The following SPON1 variants were observed in gnomAD, a reference collection of about 807,000 sequenced individuals.
The protein encoded by SPON1 is spondin-1.
A neutral mutation model predicts 111.7 loss-of-function variants in SPON1; 52 were observed. The ratio of observed to expected loss-of-function variants is 0.47; its 90% CI spans 0.37 to 0.59. The LOEUF is 0.59. SPON1 is among the 20% of genes least tolerant of loss of function. The probability of loss-of-function intolerance (pLI) is 0.00; values close to 1 mark genes in which losing one functional copy is unlikely to be tolerated. For missense variants in SPON1, 957 were observed against 1,068.5 expected (o/e 0.90, Z 1.46); for synonymous variants, 410 against 395.8 (o/e 1.04, Z -0.43).
chr11:14,036,542 T>C (rs1554916661), intron 2 of SPON1, among the ~76,000 whole-genome samples: 2 of 152,178 alleles, frequency 1.3e-5, no homozygotes, highest in African/African-American at 4.8e-5. Context: ...TTGAGGTGTT[T>C]CTGATATATC....
intron 5 of SPON1, among the ~76,000 whole-genome samples, chr11:14,092,559 G>T (rs1247055480): frequency 6.6e-6 from 1 of 152,170 alleles, no homozygotes; most frequent in Admixed American, 6.5e-5. Context: ...TTACAAAATG[G>T]TTTGTTCCAA....
chr11:13,994,440 CCA>C (rs3993090), intron 2 of SPON1, among the ~76,000 whole-genome samples: 3 of 151,370 alleles, frequency 2.0e-5, no homozygotes, highest in East Asian at 1.9e-4. Context: ...TCCCCCATCC[CCA>C]CACACACACA....
At chr11:13,979,645 A>G (rs1591338622) in intron 1 of SPON1, among the ~76,000 whole-genome samples, 1 of 152,264 alleles carries the variant, frequency 6.6e-6, no homozygotes, top group East Asian at 1.9e-4. Context: ...TCCTCACCTG[A>G]TGCAAGGCAG....
intron 2 of SPON1, among the ~76,000 whole-genome samples, chr11:14,009,250 C>A (rs1848386851): frequency 6.6e-6 from 1 of 152,168 alleles, no homozygotes; most frequent in Non-Finnish European, 1.5e-5. Context: ...TCCTTAACAG[C>A]CCAAAAGGCC....
rs375518503 is a variant in SPON1 at position 14,222,069 on chromosome 11, TTTGGGA to T, written c.826-21262_826-21257del. ...GATATTTTATCATCCTATGAACTCA[TTTGGGA>T]ACTCAATGACAGGTGATACAATGGC... On this transcript the variant is annotated intron_variant, in intron 6 of 15. Transcript: ENST00000576479. Among the ~76,000 whole-genome samples, 801 of 152,356 alleles carry T rather than the reference TTTGGGA, an allele frequency of 5.3e-3. 5 individuals are homozygous for T. Among genetic ancestry groups the T allele is most frequent in the African/African-American group, 0.018 (758 of 41,584 alleles).
At chr11:14,049,281 A>T (rs1528640) in intron 3 of SPON1, among the ~76,000 whole-genome samples, 245 of 151,914 alleles carry the variant, frequency 1.6e-3, no homozygotes, top group African/African-American at 5.5e-3. Context: ...TTTTTTTATC[A>T]CTGCTCTACA....
At chr11:14,077,851 A>G (rs1248160396) in intron 4 of SPON1, among the ~76,000 whole-genome samples, 2 of 152,172 alleles carry the variant, frequency 1.3e-5, no homozygotes, top group African/African-American at 4.8e-5. Flanking sequence ...AAAAAGGAAA[A>G]AGGAAGGGAA....
chr11:14,263,598 C>CTAAT lies in SPON1; in HGVS notation c.2260+624_2260+627dup, dbSNP rs1421609956. ...AATATTGATCCAAGCTGACAAATAA[C>CTAAT]TAATAGAACAATGCACCAAGTGCTC... On this transcript the variant is annotated intron_variant, in intron 15 of 15. Transcript: ENST00000576479. Among the ~76,000 whole-genome samples, 8 of 152,106 alleles carry CTAAT rather than the reference C, an allele frequency of 5.3e-5. No homozygotes were observed. The East Asian group carries it at 1.3e-3, about 26-fold the overall frequency.
chr11:13,980,377 A>C (rs1192879123), intron 1 of SPON1, among the ~76,000 whole-genome samples: 1 of 152,072 alleles, frequency 6.6e-6, no homozygotes, highest in Non-Finnish European at 1.5e-5. Context: ...TTTTACAGAC[A>C]TCAGTAGCTC....
In SPON1 at chr11:14,205,353, C is replaced by A. The variant is rs1848506837; in HGVS notation, c.826-37979C>A. On this transcript the variant is annotated intron_variant, in intron 6 of 15. Transcript: ENST00000576479. ...TGTCCTCCTCCATCTTCCTCCAGGG[C>A]CTGGTATGCTGTGGGCACTCAATAA... is the stretch of plus-strand genomic sequence containing the variant. Among the ~76,000 whole-genome samples, 3 of 152,162 alleles carry A rather than the reference C, an allele frequency of 2.0e-5. No homozygotes were observed. In the South Asian group the frequency reaches 6.2e-4, roughly 32 times the overall value.
intron 2 of SPON1, among the ~76,000 whole-genome samples, chr11:14,035,611 G>GTTCTTTT (rs1848588444): frequency 7.4e-6 from 1 of 134,536 alleles, no homozygotes. Flanking sequence ...AGTACACTTA[G>GTTCTTTT]TTCTTTTTTT....
chr11:14,258,724 C>A (rs1042970567), intron 11 of SPON1, among the ~76,000 whole-genome samples: 2 of 152,210 alleles, frequency 1.3e-5, no homozygotes, highest in African/African-American at 4.8e-5. Flanking sequence ...TGCACTTTCA[C>A]GATGGTTTAT....
chr11:14,020,418 T>G (rs1554914692), intron 2 of SPON1, among the ~76,000 whole-genome samples: 1 of 152,160 alleles, frequency 6.6e-6, no homozygotes, highest in African/African-American at 2.4e-5. Context: ...GCAGATTCAG[T>G]GATGCCAAGG....
At position 14,228,245 on chromosome 11, in the gene SPON1, C is replaced by T. The variant is rs1848761550; in HGVS notation, c.826-15087C>T. On this transcript the variant is annotated intron_variant, in intron 6 of 15. Coordinates refer to ENST00000576479, the MANE Select transcript of SPON1 (RefSeq NM_006108.4). This position sits in a 1 kb window ranked among gnomAD's most constrained non-coding sequence, Gnocchi z 4.2. The stretch of plus-strand genomic sequence containing the variant: ...CCACTGTTCTTCCAACCACTGACAA[C>T]ACATTGTTCAGGCAGCAGCACACGT... 6.6e-6 allele frequency among the ~76,000 whole-genome samples: 1 copy of T among 152,206 alleles called. No individual in the cohort carries two copies. The highest frequency in any genetic ancestry group is 1.5e-5 in the Non-Finnish European group (1 of 68,032).
chr11:14,102,653 T>G (rs1328124164), intron 5 of SPON1, among the ~76,000 whole-genome samples: 1 of 152,208 alleles, frequency 6.6e-6, no homozygotes, highest in Non-Finnish European at 1.5e-5. Flanking sequence ...CAATCTGGAA[T>G]GGTTCTTAGT....
chr11:13,973,094 G>A (rs978888480), intron 1 of SPON1, among the ~76,000 whole-genome samples: 1 of 152,136 alleles, frequency 6.6e-6, no homozygotes, highest in Non-Finnish European at 1.5e-5. Context: ...CCAAATGACA[G>A]GGAGGATAGC....
intron 2 of SPON1, among the ~76,000 whole-genome samples, chr11:13,989,593 G>A (rs1324834033): frequency 6.6e-6 from 1 of 151,988 alleles, no homozygotes; most frequent in African/African-American, 2.4e-5. Context: ...GCTAGCTTTT[G>A]AATTTGTTTG....
intron 6 of SPON1, among the ~76,000 whole-genome samples, chr11:14,208,731 C>T (rs1247714572): frequency 6.6e-5 from 10 of 152,280 alleles, no homozygotes; most frequent in African/African-American, 2.4e-4. Context: ...TATTAAATAA[C>T]TTCTCCTTTG....
At chr11:13,994,661 T>C (rs1210938815) in intron 2 of SPON1, among the ~76,000 whole-genome samples, 2 of 152,142 alleles carry the variant, frequency 1.3e-5, no homozygotes, top group African/African-American at 2.4e-5. Flanking sequence ...AAATAACCAA[T>C]TGCACGAGTA....
Sources: gnomAD v4.1 joint callset for allele counts (sites outside exome capture counted in the v4.1 genomes callset) on GRCh38, gnomAD v4.1.1 for gene constraint, Gnocchi (gnomAD v3.1) non-coding constraint, MANE v1.5 for transcripts, NCBI Gene and HGNC (gene_info 2026-07-23, HGNC 2026-07-21) for gene names.